The following PCNX4 variants were observed in gnomAD, a reference collection of about 807,000 sequenced individuals.
PCNX4 encodes the protein pecanex-like protein 4.
A neutral mutation model predicts 107.2 loss-of-function variants in PCNX4; 103 were observed. The ratio of observed to expected loss-of-function variants is 0.96; its 90% CI spans 0.82 to 1.13. The LOEUF (loss-of-function observed/expected upper bound fraction) is 1.13. Ranked by LOEUF, PCNX4 falls within the 50% of genes most tolerant of loss-of-function variation. The pLI, the probability that PCNX4 is intolerant of heterozygous loss-of-function variation, is 0.00. For missense variants in PCNX4, 1,528 were observed against 1,379.4 expected, an observed-to-expected ratio of 1.11 and a Z score of -1.71; for synonymous variants, 541 against 481.7, an observed-to-expected ratio of 1.12 and a Z score of -1.61.
chr14:60,125,271 T>C lies in PCNX4; in HGVS notation c.3080+20T>C. The C allele has an allele frequency of 2.7e-6, 4 of 1,502,316 alleles. No individual in the cohort carries two copies. Among genetic ancestry groups the C allele is most frequent in the Non-Finnish European group, 3.5e-6 (4 of 1,127,000 alleles). The allele number at this position is 1,502,316 out of a possible 1,614,324, so 93.1% of individuals were successfully genotyped here. A position where few individuals can be genotyped will look rare whatever the true frequency, so the allele number is the denominator to read the frequency against. The stretch of plus-strand genomic sequence containing the variant: ...ATTCAGGTAATCCATTTTGATCATA[T>C]GTAAGTTATAACATTGTTGGAAAAA... On this transcript the variant is annotated intron_variant, in intron 9 of 10. Transcript: ENST00000406854.
chr14:60,124,329 C>A lies in PCNX4; in HGVS notation c.2158C>A (p.His720Asn). 1 of 1,612,528 alleles carries A rather than the reference C, an allele frequency of 6.2e-7. No homozygotes were observed. The highest frequency in any genetic ancestry group is 8.5e-7 in the Non-Finnish European group (1 of 1,179,100). Residue 720 changes from histidine (H) to asparagine (N), a missense_variant, in exon 9 of 11, where the codon CAC becomes AAC. By Grantham distance (68) the His-to-Asn change is moderately conservative. Coordinates refer to ENST00000406854, the MANE Select transcript of PCNX4 (RefSeq NM_001330177.2). ...CACAAGAGTATGTTCCCTTAATGAACACTTTGGAAATGTCTTGACACCCTG... is the reference window on the plus strand; with the variant it reads ...CACAAGAGTATGTTCCCTTAATGAAAACTTTGGAAATGTCTTGACACCCTG... ...EYTRVCSLNE[H>N]FGNVLTPCTV...
intron 1 of PCNX4, among the ~76,000 whole-genome samples, chr14:60,106,813 C>T (rs1168728511): frequency 6.6e-6 from 1 of 152,162 alleles, no homozygotes; most frequent in Non-Finnish European, 1.5e-5. Flanking sequence ...TCTAGCCTAA[C>T]ATGATCCACA....
chr14:60,139,333 A>T lies in PCNX4; in HGVS notation c.*5112A>T, dbSNP rs949807302. 1 of 152,158 alleles carries T rather than the reference A, an allele frequency of 6.6e-6. No individual in the cohort carries two copies. Among genetic ancestry groups the T allele is most frequent in the South Asian group, 2.1e-4 (1 of 4,834 alleles). The allele number at this position is 152,158 out of a possible 1,614,324, so 9.4% of individuals were successfully genotyped here. A position where few individuals can be genotyped will look rare whatever the true frequency, so the allele number is the denominator to read the frequency against. On this transcript the variant is annotated 3_prime_UTR_variant, in exon 11 of 11. Coordinates refer to ENST00000406854, the MANE Select transcript of PCNX4 (RefSeq NM_001330177.2). ...GCAGGGGACTATGGTGGCTATTGCA[A>T]CATTATTCAATGTAGACCTTAAGGT...
intron 2 of PCNX4, among the ~76,000 whole-genome samples, chr14:60,111,470 T>C (rs995859384): frequency 5.9e-5 from 9 of 152,188 alleles, no homozygotes; most frequent in African/African-American, 2.2e-4. Flanking sequence ...TTTTGAAAAG[T>C]TAGCATTAAA....
intron 9 of PCNX4, 141 bp downstream of exon 9, chr14:60,125,392 A>T: frequency 2.1e-6 from 2 of 972,020 alleles, no homozygotes; most frequent in South Asian, 4.4e-5. Context: ...TTTCATGTGT[A>T]GTGTGATTGT....
chr14:60,102,140 G>A (rs1303972047), intron 1 of PCNX4, among the ~76,000 whole-genome samples: 3 of 152,158 alleles, frequency 2.0e-5, no homozygotes, highest in Non-Finnish European at 4.4e-5. Flanking sequence ...AAGTTCTAGA[G>A]ATCTGTTCTA....
chr14:60,121,370 A>G (rs1895952307), intron 8 of PCNX4, 71 bp downstream of exon 8: 10 of 1,436,752 alleles, frequency 7.0e-6, no homozygotes, highest in South Asian at 1.3e-5. Context: ...TTATGTTCAC[A>G]TCAAACACTC....
chr14:60,093,821 G>A (rs1895363488), intron 1 of PCNX4, among the ~76,000 whole-genome samples: 1 of 152,092 alleles, frequency 6.6e-6, no homozygotes, highest in Non-Finnish European at 1.5e-5. Flanking sequence ...ATGTTTGAGG[G>A]TTCTGATTTC....
In PCNX4 at chr14:60,139,905, C is replaced by T. The variant is rs1284851061; in HGVS notation, c.*5684C>T. Reference sequence around the variant, plus strand: ...GCTACATGTCAAAACTTATGGTAGACGCCTAAAGCCATGCTTAGAAGGAAA... The same window carrying T: ...GCTACATGTCAAAACTTATGGTAGATGCCTAAAGCCATGCTTAGAAGGAAA... On this transcript the variant is annotated 3_prime_UTR_variant, in exon 11 of 11. Transcript: ENST00000406854. 2.0e-5 allele frequency: 3 copies of T among 150,894 alleles called. No individual in the cohort carries two copies. Among genetic ancestry groups the T allele is most frequent in the Non-Finnish European group, 2.9e-5 (2 of 67,808 alleles). The allele number at this position is 150,894 out of a possible 1,614,324, so 9.3% of individuals were successfully genotyped here. A position where few individuals can be genotyped will look rare whatever the true frequency, so the allele number is the denominator to read the frequency against.
In PCNX4 at chr14:60,141,847, T is replaced by G. The variant is rs1896309226; in HGVS notation, c.*7626T>G. The G allele has an allele frequency of 6.6e-6, 1 of 152,244 alleles. No individual in the cohort carries two copies. The highest frequency in any genetic ancestry group is 6.5e-5 in the Admixed American group (1 of 15,280). 9.4% of individuals were successfully genotyped at this position (152,244 alleles called of 1,614,324 possible). ...TGCTATGAGCATTCATTTACAAGTC[T>G]TTATGTGGACATAAGCTTTCATTTC... On this transcript the variant is annotated 3_prime_UTR_variant, in exon 11 of 11. Transcript: ENST00000406854.
At chr14:60,128,382 A>G (rs992427884) in intron 10 of PCNX4, among the ~76,000 whole-genome samples, 1 of 152,206 alleles carries the variant, frequency 6.6e-6, no homozygotes, top group Non-Finnish European at 1.5e-5. Context: ...GTCATATAAA[A>G]TTCTGATTTG....
rs1169200127 is a variant in PCNX4, at chr14:60,137,147, AAGAC to A, written c.*2930_*2933del. ...GTGAAGAATAACATCACTAAGATCT[AAGAC>A]AGAATGAAACTTAGAGACCTGAGCT... On this transcript the variant is annotated 3_prime_UTR_variant, in exon 11 of 11. Coordinates refer to ENST00000406854, the MANE Select transcript of PCNX4 (RefSeq NM_001330177.2). The A allele has an allele frequency of 6.6e-6, 1 of 152,214 alleles. No homozygotes were observed. Among genetic ancestry groups the A allele is most frequent in the Non-Finnish European group, 1.5e-5 (1 of 68,036 alleles). 9.4% of individuals were successfully genotyped at this position (152,214 alleles called of 1,614,324 possible). A position where few individuals can be genotyped will look rare whatever the true frequency, so the allele number is the denominator to read the frequency against.
chr14:60,145,087 T>C lies in PCNX4; in HGVS notation c.*10866T>C. On this transcript the variant is annotated 3_prime_UTR_variant, in exon 11 of 11. Coordinates refer to ENST00000406854, the MANE Select transcript of PCNX4 (RefSeq NM_001330177.2). This position sits in a 1 kb window ranked among gnomAD's most constrained non-coding sequence, Gnocchi z 4.0. ...CCAGTTTTTAACATTTAAGTCCTTC[T>C]GTTTTGAGGAGCTGTATCATTATGA... 1 of 997,478 alleles carries C rather than the reference T, an allele frequency of 1.0e-6. No homozygotes were observed. 61.8% of individuals were successfully genotyped at this position (997,478 alleles called of 1,614,324 possible). A position where few individuals can be genotyped will look rare whatever the true frequency, so the allele number is the denominator to read the frequency against.
rs778041760 is a variant in PCNX4 at position 60,114,839 on chromosome 14, G to A, written c.829G>A (p.Glu277Lys). 3 of 1,613,608 alleles carry A rather than the reference G, an allele frequency of 1.9e-6. No homozygotes were observed. In the East Asian group the frequency reaches 6.7e-5, roughly 36 times the overall value. Residue 277 changes from glutamate to lysine, a missense_variant, in exon 3 of 11, where the codon GAG becomes AAG. Coordinates refer to ENST00000406854, the MANE Select transcript of PCNX4 (RefSeq NM_001330177.2). ...LLLWAMEQVL[E>K]FGLGGSSMST... ...CTTATGGGCAATGGAGCAGGTTTTA[G>A]AGTTCGGCCTTGGAGGCTCATCTAT...
chr14:60,120,809 TA>T lies in PCNX4; in HGVS notation c.1943-386del, dbSNP rs1157044516. Among the ~76,000 whole-genome samples, 7 of 152,344 alleles carry T rather than the reference TA, an allele frequency of 4.6e-5. No homozygotes were observed. In the East Asian group the frequency reaches 1.2e-3, roughly 25 times the overall value. ...CATTTTTAAACCACAAAACACTTTT[TA>T]TATGTTTATATCCATGTATAAAAAT... On this transcript the variant is annotated intron_variant, in intron 7 of 10. Transcript: ENST00000406854.
chr14:60,101,745 C>T (rs1394182375), intron 1 of PCNX4, among the ~76,000 whole-genome samples: 6 of 152,022 alleles, frequency 3.9e-5, no homozygotes, highest in African/African-American at 1.4e-4. Flanking sequence ...AGCAATTTTG[C>T]TTTTGGGTAT....
rs1477681365 is a variant in PCNX4 at position 60,141,218 on chromosome 14, C to T, written c.*6997C>T. The stretch of plus-strand genomic sequence containing the variant: ...ATGAGGAAAGGTCTCAGCACAATAA[C>T]CTAAGTTCCCACCACAAGAAACAAG... On this transcript the variant is annotated 3_prime_UTR_variant, in exon 11 of 11. Coordinates refer to ENST00000406854, the MANE Select transcript of PCNX4 (RefSeq NM_001330177.2). The T allele has an allele frequency of 6.6e-6, 1 of 152,134 alleles. No homozygotes were observed. The highest frequency in any genetic ancestry group is 1.5e-5 in the Non-Finnish European group (1 of 68,020). The allele number at this position is 152,134 out of a possible 1,614,324, so 9.4% of individuals were successfully genotyped here. A position where few individuals can be genotyped will look rare whatever the true frequency, so the allele number is the denominator to read the frequency against.
intron 10 of PCNX4, among the ~76,000 whole-genome samples, chr14:60,131,160 T>C (rs895636144): frequency 1.3e-5 from 2 of 152,114 alleles, no homozygotes; most frequent in Non-Finnish European, 2.9e-5. Context: ...GAAATAAATG[T>C]CTCTTCTTTA....
At chr14:60,121,740 T>G (rs1895959624) in intron 8 of PCNX4, among the ~76,000 whole-genome samples, 1 of 152,110 alleles carries the variant, frequency 6.6e-6, no homozygotes, top group African/African-American at 2.4e-5. Flanking sequence ...CCAATTTAAT[T>G]TCTTTCATTC....
Sources: allele counts gnomAD v4.1 joint callset (sites outside exome capture counted in the v4.1 genomes callset), GRCh38; gene constraint gnomAD v4.1.1; non-coding constraint Gnocchi (gnomAD v3.1); transcripts MANE v1.5; gene names NCBI Gene and HGNC (gene_info 2026-07-23, HGNC 2026-07-21).